The following PDGFRL variants were observed in gnomAD, a reference collection of about 807,000 sequenced individuals.
PDGFRL encodes the protein platelet derived growth factor receptor like, also known as platelet-derived growth factor receptor-like protein.
PDGFRL carries 46 observed loss-of-function variants against 37.2 expected under a neutral mutation model. That is an observed-to-expected ratio of 1.24 (90% CI 0.98 to 1.58). The LOEUF (loss-of-function observed/expected upper bound fraction) is 1.58, where lower values mean the gene tolerates loss of function less well. Ranked by LOEUF, PDGFRL falls within the 40% of genes most tolerant of loss-of-function variation. PDGFRL has a pLI of 0.00. For missense variants in PDGFRL, 692 were observed against 467.6 expected (o/e 1.48, Z -4.43); for synonymous variants, 251 against 184.3 (o/e 1.36, Z -2.93).
intron 5 of PDGFRL, among the ~76,000 whole-genome samples, chr8:17,640,996 T>C (rs1471832552): frequency 6.6e-6 from 1 of 152,026 alleles, no homozygotes; most frequent in Admixed American, 6.5e-5. Flanking sequence ...AATGGGGTTA[T>C]GTTCCTCAGG....
At chr8:17,587,620 C>T (rs1360736455) in intron 1 of PDGFRL, among the ~76,000 whole-genome samples, 1 of 152,024 alleles carries the variant, frequency 6.6e-6, no homozygotes, top group Admixed American at 6.6e-5. Flanking sequence ...CATAGCTCAT[C>T]ATAAACTCGG....
In PDGFRL at chr8:17,643,114, TAA is replaced by T. The variant is rs1200459557; in HGVS notation, c.*317_*318del. On this transcript the variant is annotated 3_prime_UTR_variant, in exon 6 of 6. Transcript: ENST00000251630. ...TAAATGAGCACGTTTTTGTAAAAAA[TAA>T]AAAGTGGGATAAGTGTTTTTTAAGT... 9 of 258,196 alleles carry T rather than the reference TAA, an allele frequency of 3.5e-5. No homozygotes were observed. Among genetic ancestry groups the T allele is most frequent in the East Asian group, 1.8e-4 (2 of 11,144 alleles). 16.0% of individuals were successfully genotyped at this position (258,196 alleles called of 1,614,324 possible). A position where few individuals can be genotyped will look rare whatever the true frequency, so the allele number is the denominator to read the frequency against.
intron 2 of PDGFRL, among the ~76,000 whole-genome samples, chr8:17,620,122 C>G (rs1316112664): frequency 3.3e-5 from 5 of 152,144 alleles, no homozygotes; most frequent in Non-Finnish European, 7.3e-5. Flanking sequence ...GCCATCATGC[C>G]AGGCTCATTG....
At chr8:17,595,966 G>T (rs536111983) in intron 2 of PDGFRL, among the ~76,000 whole-genome samples, 1 of 152,338 alleles carries the variant, frequency 6.6e-6, no homozygotes, top group South Asian at 2.1e-4. Flanking sequence ...AGCCTCCAGT[G>T]GGTGAAACCT....
rs149092073 is a variant in PDGFRL, at chr8:17,628,644, G to A, written c.663G>A (p.Thr221=). ...FPAKEIPANG[T]DIVYDMKRGF... ...CCAAGGAGATCCCAGCCAATGGAAC[G>A]GACATTGTTTATGACATGAAGCGGG... Residue 221 remains threonine (T), a synonymous_variant, in exon 4 of 6, where the codon ACG becomes ACA. Transcript: ENST00000251630. 320 of 1,614,178 alleles carry A rather than the reference G, an allele frequency of 2.0e-4. No individual in the cohort carries two copies. Among genetic ancestry groups the A allele is most frequent in the Non-Finnish European group, 2.7e-5 (32 of 1,180,018 alleles).
In PDGFRL at chr8:17,599,708, C is replaced by G. The variant is rs564251180; in HGVS notation, c.353+9943C>G. Among the ~76,000 whole-genome samples, 2 of 152,198 alleles carry G rather than the reference C, an allele frequency of 1.3e-5. 1 individual carries two copies. The highest frequency in any genetic ancestry group is 4.2e-4 in the South Asian group (2 of 4,818). On this transcript the variant is annotated intron_variant, in intron 2 of 5. Transcript: ENST00000251630. ...AGGTCACTTTTTCTCTCTTCTTAAA[C>G]CTCTCATCTTCATCTCTCTGACTTT...
intron 2 of PDGFRL, among the ~76,000 whole-genome samples, chr8:17,598,988 C>T (rs1431730172): frequency 6.6e-6 from 1 of 152,170 alleles, no homozygotes; most frequent in Non-Finnish European, 1.5e-5. Context: ...TTATACATTA[C>T]TCAGTCTCAG....
chr8:17,617,514 A>C (rs1804552918), intron 2 of PDGFRL, among the ~76,000 whole-genome samples: 1 of 152,118 alleles, frequency 6.6e-6, no homozygotes, highest in Non-Finnish European at 1.5e-5. Flanking sequence ...CTCAGCCTGC[A>C]GAGGCCCTCG....
chr8:17,632,076 G>A (rs1188618375), intron 4 of PDGFRL, among the ~76,000 whole-genome samples: 1 of 152,162 alleles, frequency 6.6e-6, no homozygotes, highest in Non-Finnish European at 1.5e-5. Flanking sequence ...CCTGGACCTG[G>A]TTCTTCCTCC....
chr8:17,640,239 G>A (rs891191822), intron 5 of PDGFRL, among the ~76,000 whole-genome samples: 5 of 152,124 alleles, frequency 3.3e-5, no homozygotes, highest in Non-Finnish European at 5.9e-5. Flanking sequence ...ATGCCTCCTT[G>A]AGTAGCTTAA....
chr8:17,580,303 T>A (rs753131935), intron 1 of PDGFRL, among the ~76,000 whole-genome samples: 23 of 152,172 alleles, frequency 1.5e-4, no homozygotes, highest in Non-Finnish European at 3.4e-4. Flanking sequence ...TTTGACACTT[T>A]CGTGTCTTCG....
chr8:17,579,110 C>G (rs1447858677), intron 1 of PDGFRL, among the ~76,000 whole-genome samples: 1 of 151,938 alleles, frequency 6.6e-6, no homozygotes, highest in African/African-American at 2.4e-5. Flanking sequence ...AGGCAGAGAA[C>G]TGCTTGAACC....
intron 1 of PDGFRL, among the ~76,000 whole-genome samples, chr8:17,580,740 G>C (rs1803688337): frequency 6.6e-6 from 1 of 152,178 alleles, no homozygotes; most frequent in Non-Finnish European, 1.5e-5. Flanking sequence ...AAGTTTGTTT[G>C]CTCACAGTCC....
chr8:17,579,103 C>G (rs952230349), intron 1 of PDGFRL, among the ~76,000 whole-genome samples: 1 of 151,912 alleles, frequency 6.6e-6, no homozygotes, highest in African/African-American at 2.4e-5. Context: ...GAGGGTGAGG[C>G]AGAGAACTGC....
At position 17,610,495 on chromosome 8, in the gene PDGFRL, C is replaced by A. The variant is rs568330304; in HGVS notation, c.354-10556C>A. On this transcript the variant is annotated intron_variant, in intron 2 of 5. Coordinates refer to ENST00000251630, the MANE Select transcript of PDGFRL (RefSeq NM_001372073.1). ...AGATACTCCAAAATCTGAGAAAAAT[C>A]TGAAGTCCAAACCCCTCTGGTTCCA... 2.6e-5 allele frequency among the ~76,000 whole-genome samples: 4 copies of A among 152,304 alleles called. No homozygotes were observed. In the South Asian group the frequency reaches 8.3e-4, roughly 32 times the overall value.
chr8:17,593,707 C>T (rs1803991662), intron 2 of PDGFRL, among the ~76,000 whole-genome samples: 2 of 151,726 alleles, frequency 1.3e-5, no homozygotes, highest in South Asian at 4.2e-4. Context: ...CCAGCCTGAC[C>T]AACACAGCGA....
chr8:17,592,016 T>C (rs999883721), intron 2 of PDGFRL, among the ~76,000 whole-genome samples: 3 of 152,124 alleles, frequency 2.0e-5, no homozygotes, highest in Non-Finnish European at 2.9e-5. Context: ...TTTGCAGAAA[T>C]TCATCTCCCT....
At chr8:17,639,396 T>C (rs1379300407) in intron 5 of PDGFRL, among the ~76,000 whole-genome samples, 1 of 152,158 alleles carries the variant, frequency 6.6e-6, no homozygotes, top group Non-Finnish European at 1.5e-5. Flanking sequence ...TTTAAGAAGG[T>C]TCTATTTTGG....
intron 5 of PDGFRL, among the ~76,000 whole-genome samples, chr8:17,635,745 G>A (rs1056090080): frequency 1.3e-5 from 2 of 152,188 alleles, no homozygotes; most frequent in African/African-American, 2.4e-5. Flanking sequence ...CACCAGCAGT[G>A]TAACAGTGTT....
Sources: allele counts gnomAD v4.1 joint callset (sites outside exome capture counted in the v4.1 genomes callset), GRCh38; gene constraint gnomAD v4.1.1; transcripts MANE v1.5; gene names NCBI Gene and HGNC (gene_info 2026-07-23, HGNC 2026-07-21).